SETD4: variants seen among roughly 807,000 people sequenced by gnomAD.
SETD4 encodes SET domain containing 4, also known as SET domain-containing protein 4.
In SETD4, 46 loss-of-function variants were observed where a neutral mutation model predicts 58.3. The observed-to-expected ratio is 0.79, with a 90% CI of 0.62 to 1.01. The LOEUF (loss-of-function observed/expected upper bound fraction) is 1.01, where lower values mean the gene tolerates loss of function less well. Among genes scored for constraint, SETD4 ranks in the 50% least tolerant of loss-of-function variants. SETD4 has a pLI of 0.00. For synonymous variants in SETD4, 190 were observed against 202.6 expected (o/e 0.94, Z 0.53); for missense variants, 490 against 523.3 (o/e 0.94, Z 0.62).
chr21:36,060,019 A>G, intron 1 of SETD4: 1 of 985,644 alleles, frequency 1.0e-6, no homozygotes, highest in Non-Finnish European at 1.2e-6. Context: ...CCCCGCCCCC[A>G]TAGTCCTCAA....
At chr21:36,058,519 AAAG>A (rs143347702) in intron 2 of SETD4, among the ~76,000 whole-genome samples, 6,721 of 139,348 alleles carry the variant, frequency 0.048, 228 homozygotes, top group Non-Finnish European at 0.07. Context: ...AAAAAAAAAA[AAAG>A]AAAGATTCTC....
At chr21:36,051,294 C>G (rs908485657) in intron 4 of SETD4, 1 of 1,589,228 alleles carries the variant, frequency 6.3e-7, no homozygotes. Context: ...AAGCATGGAG[C>G]GAGAGCTGCT....
rs1473776914 is a variant in SETD4 at position 36,057,609 on chromosome 21, C to T, written c.74-405G>A. 3.9e-5 allele frequency: 16 copies of T among 413,234 alleles called. No individual in the cohort carries two copies. The Admixed American group carries it at 6.3e-4, about 16-fold the overall frequency. 25.6% of individuals were successfully genotyped at this position (413,234 alleles called of 1,614,324 possible). A position where few individuals can be genotyped will look rare whatever the true frequency, so the allele number is the denominator to read the frequency against. On this transcript the variant is annotated intron_variant, in intron 2 of 11. Transcript: ENST00000332131. ...TAATCCTAATCAAAATTCAAGCAGG[C>T]TTTCATACAGGAATTAACAAGATGA... is the stretch of plus-strand genomic sequence containing the variant.
Position 36,036,155 on chromosome 21 carries a change from C to A in SETD4, c.1285G>T (p.Ala429Ser). 6.2e-7 allele frequency: 1 copy of A among 1,614,036 alleles called. No individual in the cohort carries two copies. The highest frequency in any genetic ancestry group is 8.5e-7 in the Non-Finnish European group (1 of 1,180,014). ...TEELKILRAS[A>S]ETLHSLQTAF... is the part of the protein sequence containing the mutation. Reference sequence around the variant, plus strand: ...GTTTGCAAACTGTGCAGGGTCTCGGCAGATGCCCTGAGAATCTTTAGCTCT... The same window carrying A: ...GTTTGCAAACTGTGCAGGGTCTCGGAAGATGCCCTGAGAATCTTTAGCTCT... The change falls in exon 11 of 12, where the codon GCC becomes TCC. Residue 429 changes from alanine to serine, a missense_variant. Coordinates refer to ENST00000332131, the MANE Select transcript of SETD4 (RefSeq NM_017438.5).
intron 4 of SETD4, among the ~76,000 whole-genome samples, chr21:36,052,585 A>G (rs1601270257): frequency 6.7e-6 from 1 of 150,070 alleles, no homozygotes; most frequent in Non-Finnish European, 1.5e-5. Flanking sequence ...AGGACGTTTT[A>G]TCTACTGAAA....
chr21:36,051,002 CGTTGACCT>C, intron 4 of SETD4: 1 of 1,588,108 alleles, frequency 6.3e-7, no homozygotes, highest in Non-Finnish European at 8.6e-7. Context: ...ATGTGTGTGG[CGTTGACCT>C]GTTGATGAAA....
chr21:36,059,713 T>A (rs1601308539), intron 1 of SETD4: 2 of 970,538 alleles, frequency 2.1e-6, no homozygotes, highest in Middle Eastern at 5.3e-4. Context: ...AAAATAAAAA[T>A]AAAAAATAAA....
chr21:36,057,541 A>G, intron 2 of SETD4: 2 of 518,910 alleles, frequency 3.9e-6, no homozygotes, highest in East Asian at 6.1e-5. Flanking sequence ...TGATCCATCA[A>G]CCAAAACATA....
At chr21:36,048,613 A>G (rs566903553) in intron 4 of SETD4, among the ~76,000 whole-genome samples, 1 of 152,300 alleles carries the variant, frequency 6.6e-6, no homozygotes, top group Admixed American at 6.5e-5. Flanking sequence ...CAGCCCCAAC[A>G]AAAATGAAAG....
intron 4 of SETD4, chr21:36,051,411 A>G: frequency 6.8e-7 from 1 of 1,463,788 alleles, no homozygotes; most frequent in Non-Finnish European, 9.1e-7. Context: ...AACCCTTGTA[A>G]AACTTTCTTT....
chr21:36,038,568 T>C (rs1316382433), intron 9 of SETD4, among the ~76,000 whole-genome samples: 1 of 152,034 alleles, frequency 6.6e-6, no homozygotes, highest in African/African-American at 2.4e-5. Context: ...CATGAGTGAA[T>C]GAAGTCCCGT....
chr21:36,038,347 C>T (rs1335534016), intron 9 of SETD4, 74 bp from the exon 10 acceptor site: 11 of 1,521,454 alleles, frequency 7.2e-6, no homozygotes, highest in Non-Finnish European at 9.8e-6. Flanking sequence ...CAGTGCAACA[C>T]ATAAACTCCT....
chr21:36,053,750 T>C (rs759932051), intron 3 of SETD4, 130 bp from the exon 4 acceptor site: 6 of 879,322 alleles, frequency 6.8e-6, no homozygotes, highest in Non-Finnish European at 1.1e-5. Context: ...TCTCAGCCTT[T>C]GATTCCCAGG....
chr21:36,041,325 A>G (rs1436151060), intron 8 of SETD4, among the ~76,000 whole-genome samples: 1 of 152,196 alleles, frequency 6.6e-6, no homozygotes, highest in East Asian at 1.9e-4. Flanking sequence ...CTCTCACACC[A>G]TGGCGGGATC....
At chr21:36,039,597 T>C (rs1332003097) in intron 9 of SETD4, among the ~76,000 whole-genome samples, 1 of 152,166 alleles carries the variant, frequency 6.6e-6, no homozygotes, top group Non-Finnish European at 1.5e-5. Flanking sequence ...AATGGGCCAG[T>C]GCGAAACCGC....
intron 5 of SETD4, among the ~76,000 whole-genome samples, 157 bp downstream of exon 5, chr21:36,048,151 T>A (rs562033149): frequency 6.6e-6 from 1 of 151,952 alleles, no homozygotes; most frequent in Non-Finnish European, 1.5e-5. Context: ...GAGGGCAAAC[T>A]TTCTAGAATG....
intron 5 of SETD4, among the ~76,000 whole-genome samples, chr21:36,047,587 T>C (rs1484654699): frequency 6.6e-6 from 1 of 152,124 alleles, no homozygotes. Context: ...GATTTACATA[T>C]ATTATCCCAT....
In SETD4 at chr21:36,048,382, A is replaced by C. The variant is rs1339609978; in HGVS notation, c.222T>G (p.Ile74Met). The C allele has an allele frequency of 6.2e-7, 1 of 1,614,096 alleles. No individual in the cohort carries two copies. Among genetic ancestry groups the C allele is most frequent in the Non-Finnish European group, 8.5e-7 (1 of 1,180,016 alleles). The change falls in exon 5 of 12, where the codon ATT becomes ATG. Residue 74 changes from isoleucine to methionine, a missense_variant. Physicochemically the swap from Ile to Met is conservative, Grantham distance 10. Transcript: ENST00000332131. Reference protein sequence around the residue: ...SQTSLQEGQMIISLPESCLLT... With the variant: ...SQTSLQEGQMMISLPESCLLT... ...GCAGGCAACTCTCAGGCAACGAAATAATCATCTGTCCCTCCTGGCCAAAAG... is the reference window on the plus strand; with the variant it reads ...GCAGGCAACTCTCAGGCAACGAAATCATCATCTGTCCCTCCTGGCCAAAAG...
chr21:36,040,747 G>A, intron 8 of SETD4, 92 bp from the exon 9 acceptor site: 1 of 1,155,428 alleles, frequency 8.7e-7, no homozygotes, highest in South Asian at 1.2e-5. Context: ...CCTTTTTAAA[G>A]AGGTTGCTAA....
Sources: allele counts gnomAD v4.1 joint callset (sites outside exome capture counted in the v4.1 genomes callset), GRCh38; gene constraint gnomAD v4.1.1; transcripts MANE v1.5; gene names NCBI Gene and HGNC (gene_info 2026-07-23, HGNC 2026-07-21).